The following EMC3 variants were observed in gnomAD, a reference collection of about 807,000 sequenced individuals.
EMC3 encodes ER membrane protein complex subunit 3, also known as 30 kDa protein.
In EMC3, 13 loss-of-function variants were observed where a neutral mutation model predicts 36.6. The ratio of observed to expected loss-of-function variants is 0.35; its 90% CI spans 0.23 to 0.56. EMC3 has a LOEUF of 0.56. Ranked by LOEUF, EMC3 falls within the 20% of genes least tolerant of loss-of-function variation. EMC3 has a pLI of 0.84. For synonymous variants in EMC3, 120 were observed against 111.9 expected (o/e 1.07, Z -0.46); for missense variants, 220 against 324.5 (o/e 0.68, Z 2.47).
chr3:9,969,347 A>C, intron 7 of EMC3: 3 of 1,110,816 alleles, frequency 2.7e-6, no homozygotes, highest in Non-Finnish European at 3.3e-6. Context: ...AAATTCTAGA[A>C]CCTTTTTGTG....
chr3:9,976,975 G>T lies in EMC3; in HGVS notation c.289C>A (p.Pro97Thr). 1 of 1,611,876 alleles carries T rather than the reference G, an allele frequency of 6.2e-7. No homozygotes were observed. ...AACATACCAGTCATAGGAGAAGGTGGCACTACCTTCCGTTTAGTTTTTTTG... is the reference window on the plus strand; with the variant it reads ...AACATACCAGTCATAGGAGAAGGTGTCACTACCTTCCGTTTAGTTTTTTTG... ...FFKKTKRKVV[P>T]PSPMTDPTML... Residue 97 changes from proline to threonine, a missense_variant, in exon 3 of 8, where the codon CCA (proline) becomes ACA (threonine). Pro to Thr is a conservative substitution (Grantham distance 38). Coordinates refer to ENST00000245046, the MANE Select transcript of EMC3 (RefSeq NM_001394674.1).
Position 9,986,794 on chromosome 3 carries a change from T to C in EMC3, c.-133A>G. 1.8e-5 allele frequency: 27 copies of C among 1,468,554 alleles called. No homozygotes were observed. Among genetic ancestry groups the C allele is most frequent in the Non-Finnish European group, 2.3e-5 (25 of 1,109,426 alleles). The allele number at this position is 1,468,554 out of a possible 1,614,324, so 91.0% of individuals were successfully genotyped here. On this transcript the variant is annotated 5_prime_UTR_variant, in exon 1 of 8. Transcript: ENST00000245046. ...GTGTACCCCAGAACTCTCCTGCGAC[T>C]GTGAGCCGAGCTTACTGCCTTCAGC... is the stretch of plus-strand genomic sequence containing the variant.
rs2085978731 is a variant in EMC3, at chr3:9,986,774, C to T, written c.-113G>A. ...CTTCTCAAGCCCCTTTGCCCGTGTA[C>T]CCCAGAACTCTCCTGCGACTGTGAG... On this transcript the variant is annotated 5_prime_UTR_variant, in exon 1 of 8. Coordinates refer to ENST00000245046, the MANE Select transcript of EMC3 (RefSeq NM_001394674.1). 3 of 1,514,252 alleles carry T rather than the reference C, an allele frequency of 2.0e-6. No homozygotes were observed. Among genetic ancestry groups the T allele is most frequent in the Admixed American group, 2.3e-5 (1 of 44,204 alleles). The allele number at this position is 1,514,252 out of a possible 1,614,324, so 93.8% of individuals were successfully genotyped here.
chr3:9,969,622 A>C lies in EMC3; in HGVS notation c.657+97T>G, dbSNP rs997504116. 8 of 1,590,586 alleles carry C rather than the reference A, an allele frequency of 5.0e-6. No homozygotes were observed. The Admixed American group carries it at 1.1e-4, about 21-fold the overall frequency. On this transcript the variant is annotated intron_variant, in intron 7 of 7. Transcript: ENST00000245046. The stretch of plus-strand genomic sequence containing the variant: ...ACTAAGTTTAAATTAAAACGATGGA[A>C]CCACACAACACTCCCTTCAAGGAAG...
chr3:9,998,506 T>C (rs1390576573), intron 1 of EMC3, among the ~76,000 whole-genome samples: 1 of 151,840 alleles, frequency 6.6e-6, no homozygotes, highest in Non-Finnish European at 1.5e-5. Flanking sequence ...CATAGTTCAC[T>C]GCAGCCTGAA....
intron 1 of EMC3, chr3:9,981,665 G>A (rs767955185): frequency 5.3e-6 from 2 of 373,950 alleles, no homozygotes; most frequent in South Asian, 3.8e-5. Flanking sequence ...AAATTCCTGG[G>A]CTCAAGGGAT....
chr3:10,003,392 T>A, intron 1 of EMC3: 1 of 363,142 alleles, frequency 2.8e-6, no homozygotes, highest in South Asian at 2.0e-5. Context: ...CCCAACATAG[T>A]TGCACGGCTG....
Position 9,962,964 on chromosome 3 carries a change from C to T in EMC3, c.*1105G>A, listed in dbSNP as rs557309337. 2.0e-5 allele frequency: 3 copies of T among 151,082 alleles called. No individual in the cohort carries two copies. The highest frequency in any genetic ancestry group is 6.7e-5 in the Admixed American group (1 of 14,986). 9.4% of individuals were successfully genotyped at this position (151,082 alleles called of 1,614,324 possible). On this transcript the variant is annotated 3_prime_UTR_variant, in exon 8 of 8. Coordinates refer to ENST00000245046, the MANE Select transcript of EMC3 (RefSeq NM_001394674.1). ...AGTAGCCATTTCCAGTATAGCACCA[C>T]TGATTTGTCAATGGATTTGATAAGA...
At chr3:10,007,846 G>C (rs2086281367) in intron 1 of EMC3, among the ~76,000 whole-genome samples, 1 of 152,068 alleles carries the variant, frequency 6.6e-6, no homozygotes, top group Non-Finnish European at 1.5e-5. Flanking sequence ...TTGAACATTT[G>C]GTTACCCTAC....
At chr3:9,994,286 A>G in intron 1 of EMC3, 1 of 1,151,604 alleles carries the variant, frequency 8.7e-7, no homozygotes, top group South Asian at 1.2e-5. Context: ...TCCTATACAA[A>G]TAATGTGTTT....
intron 1 of EMC3, among the ~76,000 whole-genome samples, chr3:9,979,257 T>G (rs1052258304): frequency 1.3e-5 from 2 of 152,200 alleles, no homozygotes; most frequent in African/African-American, 4.8e-5. Context: ...ATTTAGAGAC[T>G]TTTATAATAA....
At chr3:9,977,103 C>T in intron 2 of EMC3, 53 bp from the exon 3 acceptor site, 1 of 1,367,860 alleles carries the variant, frequency 7.3e-7, no homozygotes, top group Non-Finnish European at 1.0e-6. Context: ...ACACAGCAAA[C>T]TGTTAAATTA....
chr3:10,006,886 G>A (rs537690671), intron 1 of EMC3: 3 of 358,456 alleles, frequency 8.4e-6, no homozygotes, highest in Admixed American at 3.8e-5. Context: ...GAGGAGCTGG[G>A]CGAGGCGCCC....
At chr3:9,982,095 C>T (rs373148092) in intron 1 of EMC3, among the ~76,000 whole-genome samples, 1 of 151,314 alleles carries the variant, frequency 6.6e-6, no homozygotes, top group Non-Finnish European at 1.5e-5. Context: ...GGACTACAGG[C>T]GTGCACCACC....
At chr3:10,000,451 G>A (rs1369612648) in intron 1 of EMC3, among the ~76,000 whole-genome samples, 1 of 152,156 alleles carries the variant, frequency 6.6e-6, no homozygotes, top group Non-Finnish European at 1.5e-5. Flanking sequence ...TTCTGAATTG[G>A]AATTACTATT....
At chr3:9,970,847 A>G (rs1033426693) in intron 5 of EMC3, among the ~76,000 whole-genome samples, 186 bp from the exon 6 acceptor site, 2 of 152,194 alleles carry the variant, frequency 1.3e-5, no homozygotes, top group East Asian at 1.9e-4. Flanking sequence ...ATACAGAACT[A>G]TATTTCAAAA....
upstream of EMC3, among the ~76,000 whole-genome samples, chr3:9,988,158 A>G (rs534112738): frequency 1.3e-5 from 2 of 152,304 alleles, no homozygotes; most frequent in South Asian, 4.1e-4. Flanking sequence ...TCGTTTTTCA[A>G]ATTACGTATA....
intron 1 of EMC3, chr3:9,981,797 T>C (rs1280516730): frequency 4.8e-6 from 2 of 419,524 alleles, no homozygotes; most frequent in Admixed American, 3.0e-5. Context: ...AGTTCCAAAT[T>C]CTTAAGAATC....
chr3:9,983,485 G>A (rs186840084), intron 1 of EMC3, among the ~76,000 whole-genome samples: 1 of 152,078 alleles, frequency 6.6e-6, no homozygotes, highest in Non-Finnish European at 1.5e-5. Context: ...TTGGCTGGGT[G>A]CAATGGCTCA....
Sources: gnomAD v4.1 joint callset for allele counts (sites outside exome capture counted in the v4.1 genomes callset) on GRCh38, gnomAD v4.1.1 for gene constraint, MANE v1.5 for transcripts, NCBI Gene and HGNC (gene_info 2026-07-23, HGNC 2026-07-21) for gene names.